Variants in ARNT observed in about 807,000 individuals in gnomAD.
The protein encoded by ARNT is aryl hydrocarbon receptor nuclear translocator.
In ARNT, 30 loss-of-function variants were observed where a neutral mutation model predicts 105.0. That is an observed-to-expected ratio of 0.29 (90% CI 0.21 to 0.39). The LOEUF (loss-of-function observed/expected upper bound fraction) is 0.39, where lower values mean the gene tolerates loss of function less well. ARNT is among the 10% of genes least tolerant of loss of function. The pLI is 1.00. For missense variants in ARNT, 748 were observed against 978.7 expected, an observed-to-expected ratio of 0.76 and a Z score of 3.15; for synonymous variants, 304 against 344.0, an observed-to-expected ratio of 0.88 and a Z score of 1.29.
At chr1:150,843,191 G>A (rs1571341919) in intron 4 of ARNT, among the ~76,000 whole-genome samples, 1 of 152,228 alleles carries the variant, frequency 6.6e-6, no homozygotes, top group East Asian at 1.9e-4. Flanking sequence ...TAGCCACACA[G>A]GAATGGATCA....
chr1:150,842,399 A>G (rs1661446540), intron 5 of ARNT, 25 bp downstream of exon 5: 1 of 1,605,844 alleles, frequency 6.2e-7, no homozygotes, highest in African/African-American at 1.3e-5. Flanking sequence ...CTGCTTCATC[A>G]TGCTAAAAGA....
chr1:150,852,051 A>C (rs201927611), intron 3 of ARNT, among the ~76,000 whole-genome samples: 9 of 151,232 alleles, frequency 6.0e-5, no homozygotes, highest in Admixed American at 2.0e-4. Flanking sequence ...TCAAAAAAAA[A>C]AAAAACAAAA....
intron 14 of ARNT, among the ~76,000 whole-genome samples, chr1:150,819,688 A>G (rs1018783188): frequency 6.6e-6 from 1 of 152,246 alleles, no homozygotes; most frequent in South Asian, 2.1e-4. Context: ...TACAAAGTCT[A>G]TGATTCCATT....
intron 4 of ARNT, among the ~76,000 whole-genome samples, chr1:150,843,849 A>T (rs755353089): frequency 2.0e-5 from 3 of 152,162 alleles, no homozygotes; most frequent in Non-Finnish European, 4.4e-5. Context: ...CCCAAGGAGG[A>T]TATGTGAGGG....
intron 6 of ARNT, among the ~76,000 whole-genome samples, chr1:150,837,213 G>A (rs778219318): frequency 1.3e-4 from 20 of 151,938 alleles, no homozygotes; most frequent in Non-Finnish European, 2.6e-4. Context: ...CTCAATTCTA[G>A]ATAAATCTTC....
chr1:150,850,897 C>A (rs1244593300), intron 3 of ARNT, among the ~76,000 whole-genome samples: 15 of 151,936 alleles, frequency 9.9e-5, no homozygotes, highest in Non-Finnish European at 2.9e-5. Context: ...CCCCGCCACC[C>A]CGTCTGGGAG....
intron 3 of ARNT, among the ~76,000 whole-genome samples, chr1:150,850,448 G>A (rs1458259855): frequency 1.3e-5 from 2 of 152,154 alleles, no homozygotes; most frequent in Non-Finnish European, 2.9e-5. Flanking sequence ...CGCCTGACTG[G>A]TTTTCGTATT....
At chr1:150,849,540 C>A (rs1372264194) in intron 3 of ARNT, among the ~76,000 whole-genome samples, 1 of 152,156 alleles carries the variant, frequency 6.6e-6, no homozygotes, top group East Asian at 1.9e-4. Flanking sequence ...AATCCCAACA[C>A]TTTGGAAGGC....
In ARNT at chr1:150,842,298, C is replaced by A. The variant is rs1208293152; in HGVS notation, c.272+126G>T. On this transcript the variant is annotated intron_variant, in intron 5 of 21. Transcript: ENST00000358595. ...TGTTACACTCAAACTTCTAAAAAAT[C>A]TTGTCCTCTCTTGCCACAGATAAGG... The A allele has an allele frequency of 2.5e-5, 35 of 1,381,788 alleles. 1 individual carries two copies. The highest frequency in any genetic ancestry group is 3.3e-5 in the Non-Finnish European group (35 of 1,055,914). The allele number at this position is 1,381,788 out of a possible 1,614,324, so 85.6% of individuals were successfully genotyped here. A position where few individuals can be genotyped will look rare whatever the true frequency, so the allele number is the denominator to read the frequency against.
At chr1:150,850,029 G>A (rs1037899735) in intron 3 of ARNT, among the ~76,000 whole-genome samples, 2 of 152,144 alleles carry the variant, frequency 1.3e-5, no homozygotes, top group African/African-American at 2.4e-5. Context: ...TCCAGCCTGG[G>A]CAACAGAGGA....
chr1:150,818,081 GGAGA>G, intron 14 of ARNT, 51 bp from the exon 15 acceptor site: 3 of 1,160,292 alleles, frequency 2.6e-6, no homozygotes, highest in East Asian at 2.7e-5. Flanking sequence ...GAGGAAGGGG[GGAGA>G]GAGAGAGAAA....
intron 14 of ARNT, 129 bp from the exon 15 acceptor site, chr1:150,818,159 A>G (rs771167160): frequency 7.7e-5 from 50 of 651,348 alleles, no homozygotes; most frequent in Non-Finnish European, 1.2e-4. Flanking sequence ...CAATCAATAA[A>G]TCCTTCATTA....
intron 1 of ARNT, among the ~76,000 whole-genome samples, chr1:150,866,431 C>A (rs972955960): frequency 9.2e-5 from 14 of 152,196 alleles, no homozygotes; most frequent in Non-Finnish European, 2.1e-4. Flanking sequence ...GCATAATGGG[C>A]CTTGATGTGT....
chr1:150,829,335 C>T (rs1658895474), intron 11 of ARNT, 108 bp from the exon 12 acceptor site: 2 of 1,189,206 alleles, frequency 1.7e-6, no homozygotes, highest in East Asian at 4.8e-5. Flanking sequence ...AGTTTTAGGA[C>T]TTTCTAAACT....
intron 2 of ARNT, 155 bp from the exon 3 acceptor site, chr1:150,852,961 T>C (rs1036792909): frequency 1.1e-6 from 1 of 932,598 alleles, no homozygotes; most frequent in African/African-American, 1.7e-5. Flanking sequence ...TTTCCTCTTG[T>C]TCATAGTCCC....
rs113435462 is a variant in ARNT at position 150,810,340 on chromosome 1, C to T, written c.*1681G>A. 2.2e-5 allele frequency: 5 copies of T among 228,326 alleles called. No individual in the cohort carries two copies. Among genetic ancestry groups the T allele is most frequent in the African/African-American group, 4.4e-5 (2 of 45,114 alleles). 14.1% of individuals were successfully genotyped at this position (228,326 alleles called of 1,614,324 possible). ...ATAGTCCTGATCACATTTAAAAAGT[C>T]GATTATTAAAAAACAAGGGTTCCAT... On this transcript the variant is annotated 3_prime_UTR_variant, in exon 22 of 22. Coordinates refer to ENST00000358595, the MANE Select transcript of ARNT (RefSeq NM_001668.4).
Position 150,839,537 on chromosome 1 carries a change from G to C in ARNT, c.390C>G (p.Thr130=). 6.2e-7 allele frequency: 1 copy of C among 1,614,182 alleles called. No individual in the cohort carries two copies. The highest frequency in any genetic ancestry group is 8.5e-7 in the Non-Finnish European group (1 of 1,180,032). The change falls in exon 6 of 22, where the codon ACC becomes ACG. Residue 130 remains threonine, a synonymous_variant. Coordinates refer to ENST00000358595, the MANE Select transcript of ARNT (RefSeq NM_001668.4). ...SALARKPDKL[T]ILRMAVSHMK... is the part of the protein sequence containing the mutation. ...TGTGAGAAACTGCCATGCGTAAGAT[G>C]GTTAGCTTGTCTGGTTTTCGAGCCA...
intron 8 of ARNT, among the ~76,000 whole-genome samples, chr1:150,832,998 G>A (rs1659613427): frequency 6.6e-6 from 1 of 152,142 alleles, no homozygotes; most frequent in South Asian, 2.1e-4. Context: ...GTCATGCTCT[G>A]TTCTAAATAT....
At chr1:150,860,289 C>A (rs1665398083) in intron 1 of ARNT, among the ~76,000 whole-genome samples, 1 of 141,236 alleles carries the variant, frequency 7.1e-6, no homozygotes, top group African/African-American at 2.7e-5. Flanking sequence ...AATCTTGGCT[C>A]CCTGCAACCT....
Sources: allele counts gnomAD v4.1 joint callset (sites outside exome capture counted in the v4.1 genomes callset), GRCh38; gene constraint gnomAD v4.1.1; transcripts MANE v1.5; gene names NCBI Gene and HGNC (gene_info 2026-07-23, HGNC 2026-07-21).